The following LRBA variants were observed in gnomAD, a reference collection of about 807,000 sequenced individuals.
The protein encoded by LRBA is lipopolysaccharide-responsive and beige-like anchor protein.
Under a neutral mutation model 330.0 loss-of-function variants are expected in LRBA, and 176 were observed. That is an observed-to-expected ratio of 0.53 (90% CI 0.47 to 0.60). The LOEUF is 0.60. Among genes scored for constraint, LRBA ranks in the 20% least tolerant of loss-of-function variants. The pLI is 0.00. For synonymous variants in LRBA, 1,230 were observed against 1,193.0 expected (o/e 1.03, Z -0.64); for missense variants, 3,259 against 3,444.8 (o/e 0.95, Z 1.35).
In LRBA at chr4:150,817,113, A is replaced by C; in HGVS notation, c.5305+11T>G. ...AAACATTTTTGTTGAAATCACTGAT[A>C]ACTAACTCACCTGGTGATTCTCCTC... On this transcript the variant is annotated intron_variant, in intron 31 of 56. Coordinates refer to ENST00000651943, the MANE Select transcript of LRBA (RefSeq NM_001364905.1). 6.2e-7 allele frequency: 1 copy of C among 1,608,572 alleles called. No individual in the cohort carries two copies.
At chr4:150,783,310 C>G (rs1437681014) in intron 34 of LRBA, among the ~76,000 whole-genome samples, 2 of 152,078 alleles carry the variant, frequency 1.3e-5, no homozygotes, top group African/African-American at 4.8e-5. Context: ...TAGCACTTCA[C>G]AAACAATTAT....
At chr4:150,985,733 C>T (rs1211099670) in intron 2 of LRBA, among the ~76,000 whole-genome samples, 1 of 151,984 alleles carries the variant, frequency 6.6e-6, no homozygotes, top group South Asian at 2.1e-4. Flanking sequence ...CTCCTGACCT[C>T]GTGATCCGCC....
At chr4:150,868,861 C>A (rs1482548358) in intron 20 of LRBA, among the ~76,000 whole-genome samples, 1 of 152,024 alleles carries the variant, frequency 6.6e-6, no homozygotes, top group Non-Finnish European at 1.5e-5. Flanking sequence ...TCGCTTGAAC[C>A]CAGGAGGCAG....
chr4:150,517,536 T>C (rs979818972), intron 40 of LRBA, among the ~76,000 whole-genome samples: 2 of 151,358 alleles, frequency 1.3e-5, no homozygotes. Context: ...AATAAATAAA[T>C]AGAAGGTGTT....
chr4:150,584,227 A>C, intron 40 of LRBA: 1 of 1,180,690 alleles, frequency 8.5e-7, no homozygotes, highest in Non-Finnish European at 1.1e-6. Flanking sequence ...CTGAAATAGG[A>C]ATCCGGCAGA....
At chr4:150,801,764 A>G (rs1321032353) in intron 33 of LRBA, among the ~76,000 whole-genome samples, 1 of 152,200 alleles carries the variant, frequency 6.6e-6, no homozygotes, top group African/African-American at 2.4e-5. Flanking sequence ...TAGAGTGTAC[A>G]GAGATACTGT....
intron 44 of LRBA, among the ~76,000 whole-genome samples, chr4:150,453,542 A>G (rs1224796892): frequency 6.6e-6 from 1 of 152,222 alleles, no homozygotes; most frequent in Non-Finnish European, 1.5e-5. Context: ...CAGCCACAAT[A>G]CAGAAGAATA....
chr4:150,545,657 C>G (rs1333462689), intron 40 of LRBA, among the ~76,000 whole-genome samples: 1 of 151,862 alleles, frequency 6.6e-6, no homozygotes, highest in African/African-American at 2.4e-5. Context: ...TGAATACTGG[C>G]TAAGATAGGA....
At chr4:150,724,240 A>C (rs1358390483) in intron 36 of LRBA, among the ~76,000 whole-genome samples, 1 of 151,998 alleles carries the variant, frequency 6.6e-6, no homozygotes, top group Non-Finnish European at 1.5e-5. Context: ...GCATCACCAC[A>C]CCCCCAGTTG....
chr4:150,764,153 G>A (rs1350818299), intron 34 of LRBA, among the ~76,000 whole-genome samples: 2 of 151,958 alleles, frequency 1.3e-5, no homozygotes, highest in Admixed American at 1.3e-4. Context: ...TACCTTTCTT[G>A]CTAGAAAAAA....
intron 47 of LRBA, among the ~76,000 whole-genome samples, chr4:150,401,379 C>T (rs1745444805): frequency 6.6e-6 from 1 of 152,276 alleles, no homozygotes; most frequent in Non-Finnish European, 1.5e-5. Context: ...ATAAGGAAAG[C>T]AATTTTTTTC....
intron 35 of LRBA, among the ~76,000 whole-genome samples, chr4:150,745,487 T>C (rs577568639): frequency 4.8e-4 from 73 of 152,180 alleles, no homozygotes; most frequent in African/African-American, 1.7e-3. Flanking sequence ...TGAACAAAGT[T>C]ATAAAGAGAA....
chr4:150,806,620 C>G (rs967692919), intron 32 of LRBA, among the ~76,000 whole-genome samples: 4 of 152,082 alleles, frequency 2.6e-5, no homozygotes, highest in African/African-American at 9.7e-5. Context: ...AACAAACAAC[C>G]TGGTTAACAA....
At chr4:150,747,248 A>G (rs949204553) in intron 35 of LRBA, among the ~76,000 whole-genome samples, 4 of 152,198 alleles carry the variant, frequency 2.6e-5, no homozygotes, top group Admixed American at 6.6e-5. Flanking sequence ...AAGGTTCACT[A>G]CAGAACCTTT....
chr4:150,493,829 C>T (rs556770792), intron 40 of LRBA, among the ~76,000 whole-genome samples: 15 of 152,236 alleles, frequency 9.9e-5, no homozygotes, highest in Middle Eastern at 3.4e-3. Flanking sequence ...AGAGCCAGGG[C>T]CAGTAGCTTA....
chr4:150,722,786 A>G (rs1729103208), intron 36 of LRBA, among the ~76,000 whole-genome samples: 1 of 151,946 alleles, frequency 6.6e-6, no homozygotes, highest in Non-Finnish European at 1.5e-5. Flanking sequence ...TTAACTTCAT[A>G]TCATGGAAAG....
intron 40 of LRBA, among the ~76,000 whole-genome samples, chr4:150,512,352 AG>A (rs1184666866): frequency 1.3e-5 from 2 of 152,236 alleles, no homozygotes; most frequent in Non-Finnish European, 2.9e-5. Flanking sequence ...ACTTATTATA[AG>A]AATTAAAAAG....
chr4:150,492,675 C>G (rs1015001725), intron 40 of LRBA, among the ~76,000 whole-genome samples: 3 of 152,172 alleles, frequency 2.0e-5, no homozygotes, highest in Non-Finnish European at 4.4e-5. Context: ...TATCCAGTGA[C>G]TTCCCATGAC....
At position 150,844,992 on chromosome 4, in the gene LRBA, G is replaced by T. The variant is rs193147270; in HGVS notation, c.4340-213C>A. Among the ~76,000 whole-genome samples, 20 of 152,262 alleles carry T rather than the reference G, an allele frequency of 1.3e-4. No homozygotes were observed. In the East Asian group the frequency reaches 3.5e-3, roughly 26 times the overall value. On this transcript the variant is annotated intron_variant, in intron 26 of 56. Transcript: ENST00000651943. ...ATGCTGTGGCCCAGTTAAGATTTAG[G>T]GAGGCAGTATGGCCTAGTGGTCTAA... is the stretch of plus-strand genomic sequence containing the variant.
Sources: gnomAD v4.1 joint callset for allele counts (sites outside exome capture counted in the v4.1 genomes callset) on GRCh38, gnomAD v4.1.1 for gene constraint, MANE v1.5 for transcripts, NCBI Gene and HGNC (gene_info 2026-07-23, HGNC 2026-07-21) for gene names.